Variants in SDC3 observed in about 807,000 individuals in gnomAD.
SDC3 encodes syndecan 3, also known as syndecan-3.
Under a neutral mutation model 24.4 loss-of-function variants are expected in SDC3, and 13 were observed. The observed-to-expected ratio is 0.53, with a 90% confidence interval of 0.35 to 0.85. SDC3 has a LOEUF of 0.85. Among genes scored for constraint, SDC3 ranks in the 40% least tolerant of loss-of-function variants. The pLI is 0.01. For missense variants in SDC3, 571 were observed against 584.5 expected (o/e 0.98, Z 0.24); for synonymous variants, 295 against 260.9 (o/e 1.13, Z -1.26).
chr1:30,900,355 T>G (rs1250190983), intron 1 of SDC3, among the ~76,000 whole-genome samples: 1 of 152,132 alleles, frequency 6.6e-6, no homozygotes, highest in Non-Finnish European at 1.5e-5. Flanking sequence ...TGTGTCTGTC[T>G]CCCTGACACA....
chr1:30,892,937 A>T (rs1272452403), intron 1 of SDC3, among the ~76,000 whole-genome samples: 1 of 152,172 alleles, frequency 6.6e-6, no homozygotes, highest in Non-Finnish European at 1.5e-5. Context: ...CGGCAGGATC[A>T]GAGGCCAGCT....
At chr1:30,879,091 G>C (rs1471212071) in intron 1 of SDC3, 2 of 221,918 alleles carry the variant, frequency 9.0e-6, no homozygotes, top group Non-Finnish European at 1.8e-5. Flanking sequence ...TGGGCTGGCT[G>C]TGGGGAGCCC....
chr1:30,880,931 C>T (rs1408663758), intron 1 of SDC3, among the ~76,000 whole-genome samples: 1 of 151,716 alleles, frequency 6.6e-6, no homozygotes, highest in Non-Finnish European at 1.5e-5. Flanking sequence ...ACGCTGCCAG[C>T]TTCTCCTTGA....
In SDC3 at chr1:30,881,018, C is replaced by T. The variant is rs986260293; in HGVS notation, c.139-2278G>A. ...GGCTTCCATACCCCCAAGACACGCG[C>T]GCACGCATGCACACACACACACACA... On this transcript the variant is annotated intron_variant, in intron 1 of 4. Transcript: ENST00000339394. 1.0e-4 allele frequency among the ~76,000 whole-genome samples: 15 copies of T among 148,300 alleles called. No homozygotes were observed. In the East Asian group the frequency reaches 1.8e-3, roughly 18 times the overall value.
upstream of SDC3, chr1:30,908,800 G>T (rs2124350926): frequency 6.9e-6 from 1 of 145,982 alleles, no homozygotes; most frequent in South Asian, 1.9e-4. Context: ...CGCCGCCGCC[G>T]CCGGGCCGCC....
At chr1:30,901,547 C>T (rs1229706867) in intron 1 of SDC3, among the ~76,000 whole-genome samples, 1 of 152,156 alleles carries the variant, frequency 6.6e-6, no homozygotes, top group Non-Finnish European at 1.5e-5. Context: ...GGAGAACCAG[C>T]CCCCAGAAAC....
At chr1:30,887,498 C>G (rs1639846913) in intron 1 of SDC3, among the ~76,000 whole-genome samples, 2 of 152,028 alleles carry the variant, frequency 1.3e-5, no homozygotes, top group African/African-American at 4.8e-5. Context: ...GGACATGACA[C>G]TGTGTCCCCA....
intron 1 of SDC3, among the ~76,000 whole-genome samples, chr1:30,896,982 C>T (rs764836355): frequency 2.0e-5 from 3 of 151,930 alleles, no homozygotes; most frequent in Non-Finnish European, 4.4e-5. Context: ...AAAACAGGAG[C>T]GTGGGAAGGC....
At chr1:30,892,888 G>A (rs991229730) in intron 1 of SDC3, among the ~76,000 whole-genome samples, 3 of 152,102 alleles carry the variant, frequency 2.0e-5, no homozygotes, top group African/African-American at 7.2e-5. Flanking sequence ...CCAAGTCCAT[G>A]TCAAGTCTCA....
At chr1:30,876,523 TCC>T in intron 3 of SDC3, 27 bp downstream of exon 3, 1 of 934,732 alleles carries the variant, frequency 1.1e-6, no homozygotes, top group Non-Finnish European at 1.5e-6. Flanking sequence ...TCCTCCGCCC[TCC>T]TCCCTGTCCC....
At chr1:30,894,331 G>A (rs1429963483) in intron 1 of SDC3, among the ~76,000 whole-genome samples, 21 of 132,932 alleles carry the variant, frequency 1.6e-4, no homozygotes, top group African/African-American at 5.7e-4. Context: ...GTGTGGATGA[G>A]TGTGTGTGGG....
chr1:30,894,902 G>A (rs35517056), intron 1 of SDC3, among the ~76,000 whole-genome samples: 15,363 of 151,936 alleles, frequency 0.1, 850 homozygotes, highest in South Asian at 0.15. Context: ...TTAGCGTGGA[G>A]GGCTGTGTCT....
At position 30,876,640 on chromosome 1, in the gene SDC3, C is replaced by T. The variant is rs1261897684; in HGVS notation, c.782G>A (p.Arg261Lys). 1 of 1,585,406 alleles carries T rather than the reference C, an allele frequency of 6.3e-7. No homozygotes were observed. The highest frequency in any genetic ancestry group is 1.8e-5 in the Admixed American group (1 of 55,290). The change falls in exon 3 of 5, where the codon AGG (arginine) becomes AAG (lysine). Residue 261 changes from arginine (R) to lysine (K), a missense_variant. By Grantham distance (26) the Arg-to-Lys change is conservative. Around this residue, in one of 2 missense-constraint regions of SDC3, gnomAD observed 497 missense variants for 471.6 expected, o/e 1.05. Transcript: ENST00000339394. The part of the protein sequence containing the change: ...TATSRPRALP[R>K]PATTQEPDIP... Reference sequence around the variant, plus strand: ...GTCAGGCTCCTGGGTGGTGGCCGGCCTGGGAAGGGCTCTTGGCCGGGAGGT... The same window carrying T: ...GTCAGGCTCCTGGGTGGTGGCCGGCTTGGGAAGGGCTCTTGGCCGGGAGGT...
At chr1:30,894,387 AGT>A (rs1448354085) in intron 1 of SDC3, among the ~76,000 whole-genome samples, 1 of 51,808 alleles carries the variant, frequency 1.9e-5, no homozygotes, top group South Asian at 6.4e-4. Flanking sequence ...TGAGAGTGTG[AGT>A]GTGTGGGGGA....
chr1:30,903,758 G>T (rs368150726), intron 1 of SDC3, among the ~76,000 whole-genome samples: 1 of 152,202 alleles, frequency 6.6e-6, no homozygotes, highest in Non-Finnish European at 1.5e-5. Flanking sequence ...GGAGGCCCCA[G>T]AGAGGTAAAG....
chr1:30,887,048 A>C (rs569039553), intron 1 of SDC3, among the ~76,000 whole-genome samples: 1 of 152,266 alleles, frequency 6.6e-6, no homozygotes, highest in South Asian at 2.1e-4. Flanking sequence ...TCTCAAAAGC[A>C]GGGCAAATGT....
At chr1:30,878,070 GAGA>G (rs1639678957) in intron 2 of SDC3, 2 of 152,980 alleles carry the variant, frequency 1.3e-5, no homozygotes, top group Admixed American at 6.5e-5. Flanking sequence ...TAGAGGCACT[GAGA>G]AGAAGTCGTA....
chr1:30,879,059 G>T (rs1282919155), intron 1 of SDC3: 6 of 266,224 alleles, frequency 2.3e-5, no homozygotes, highest in Non-Finnish European at 3.7e-5. Context: ...GGTCTGGGGT[G>T]GTCTCTGAGC....
intron 1 of SDC3, among the ~76,000 whole-genome samples, chr1:30,896,267 G>C (rs900976016): frequency 6.6e-6 from 1 of 152,236 alleles, no homozygotes; most frequent in African/African-American, 2.4e-5. Context: ...GAGGGTTGGA[G>C]GGGAGATGAT....
Sources: allele counts gnomAD v4.1 joint callset (sites outside exome capture counted in the v4.1 genomes callset), GRCh38; gene constraint gnomAD v4.1.1; regional missense constraint gnomAD v4.1.1; transcripts MANE v1.5; gene names NCBI Gene and HGNC (gene_info 2026-07-23, HGNC 2026-07-21).